Variants in TCF7 observed in about 807,000 individuals in gnomAD.
The protein encoded by TCF7 is transcription factor 7, also known as T-cell-factor-7.
In TCF7, 19 loss-of-function variants were observed where a neutral mutation model predicts 46.8. The observed-to-expected ratio is 0.41, with a 90% CI of 0.28 to 0.60. The LOEUF is 0.60. Ranked by LOEUF, TCF7 falls within the 20% of genes least tolerant of loss-of-function variation. TCF7 has a pLI of 0.35. For missense variants in TCF7, 547 were observed against 504.6 expected (o/e 1.08, Z -0.81); for synonymous variants, 245 against 213.4 (o/e 1.15, Z -1.29).
chr5:134,118,330 A>G (rs1756106879), intron 3 of TCF7, among the ~76,000 whole-genome samples: 1 of 152,126 alleles, frequency 6.6e-6, no homozygotes, highest in African/African-American at 2.4e-5. Flanking sequence ...AGGCCCTGCC[A>G]CAGGCCTTAG....
intron 2 of TCF7, 63 bp from the exon 3 acceptor site, chr5:134,115,846 G>A (rs1755738733): frequency 1.9e-6 from 3 of 1,608,420 alleles, no homozygotes; most frequent in Non-Finnish European, 2.5e-6. Context: ...CTCAAGAGCA[G>A]ACAGCCTTCA....
intron 3 of TCF7, among the ~76,000 whole-genome samples, chr5:134,127,760 C>G (rs2149306406): frequency 6.6e-6 from 1 of 152,356 alleles, no homozygotes; most frequent in African/African-American, 2.4e-5. Flanking sequence ...GCGGGCCAGC[C>G]AGGAGCTCAG....
chr5:134,131,346 C>T (rs759833681), intron 3 of TCF7, among the ~76,000 whole-genome samples: 3 of 152,224 alleles, frequency 2.0e-5, no homozygotes, highest in Non-Finnish European at 4.4e-5. Context: ...GGTTGTCACA[C>T]GTGGCATTTA....
At chr5:134,122,171 C>T (rs1270821996) in intron 3 of TCF7, among the ~76,000 whole-genome samples, 1 of 152,062 alleles carries the variant, frequency 6.6e-6, no homozygotes, top group Non-Finnish European at 1.5e-5. Context: ...TGAAGGGGGC[C>T]GATCCTGCAG....
the TCF7 span, among the ~76,000 whole-genome samples, chr5:134,109,536 A>C: frequency 6.6e-6 from 1 of 152,112 alleles, no homozygotes; most frequent in South Asian, 2.1e-4. Context: ...TTGGGAGGCC[A>C]AGGTGGTTGA....
At chr5:134,124,036 C>T (rs931961432) in intron 3 of TCF7, among the ~76,000 whole-genome samples, 1 of 152,086 alleles carries the variant, frequency 6.6e-6, no homozygotes, top group Non-Finnish European at 1.5e-5. Context: ...GGTCTGGCCC[C>T]CTGATTACTG....
intron 8 of TCF7, 113 bp from the exon 9 acceptor site, chr5:134,143,479 T>C: frequency 7.9e-7 from 1 of 1,271,112 alleles, no homozygotes; most frequent in Non-Finnish European, 1.1e-6. Context: ...CACCCCAAGG[T>C]AGGAGGGGCC....
intron 5 of TCF7, chr5:134,141,626 A>C (rs554645849): frequency 6.5e-6 from 1 of 152,722 alleles, no homozygotes; most frequent in African/African-American, 2.4e-5. Context: ...AACAGCCATA[A>C]CTGGGGCTGC....
At chr5:134,109,127 TGATC>T in the TCF7 span, among the ~76,000 whole-genome samples, 121,165 of 151,712 alleles carry the variant, frequency 0.8, 48,720 homozygotes, top group Non-Finnish European at 0.86. Context: ...CTGCTATGGA[TGATC>T]GATCCATCCT....
chr5:134,108,967 G>T, the TCF7 span, among the ~76,000 whole-genome samples: 1 of 152,188 alleles, frequency 6.6e-6, no homozygotes, highest in Non-Finnish European at 1.5e-5. Context: ...CTGCCATGTT[G>T]TGTGCCATGA....
intron 3 of TCF7, among the ~76,000 whole-genome samples, chr5:134,131,809 C>T (rs1250225476): frequency 6.6e-6 from 1 of 152,236 alleles, no homozygotes; most frequent in Non-Finnish European, 1.5e-5. Flanking sequence ...TGAGAGTGGG[C>T]CAGACTGGCC....
At chr5:134,117,888 G>A (rs776585367) in intron 3 of TCF7, among the ~76,000 whole-genome samples, 4 of 152,212 alleles carry the variant, frequency 2.6e-5, no homozygotes, top group East Asian at 1.9e-4. Context: ...GGAAAAGGAC[G>A]GGCTGTGACA....
At chr5:134,116,083 C>T (rs1221587344) in intron 3 of TCF7, 50 bp downstream of exon 3, 2 of 1,571,032 alleles carry the variant, frequency 1.3e-6, no homozygotes, top group Non-Finnish European at 1.7e-6. Flanking sequence ...GCCTCCTTGA[C>T]CAGGTAGGTG....
At position 134,131,347 on chromosome 5, in the gene TCF7, G is replaced by A. The variant is rs17167288; in HGVS notation, c.442-6712G>A. On this transcript the variant is annotated intron_variant, in intron 3 of 9. Transcript: ENST00000342854. Reference sequence around the variant, plus strand: ...GCCCACCTCAAGTGGGTTGTCACACGTGGCATTTATGTTACTCAGTGTCAC... The same window carrying A: ...GCCCACCTCAAGTGGGTTGTCACACATGGCATTTATGTTACTCAGTGTCAC... 9.2e-3 allele frequency among the ~76,000 whole-genome samples: 1,397 copies of A among 152,346 alleles called. 23 individuals carry two copies. The highest frequency in any genetic ancestry group is 0.028 in the African/African-American group (1,157 of 41,566).
At chr5:134,128,778 A>G (rs1757701938) in intron 3 of TCF7, among the ~76,000 whole-genome samples, 1 of 152,058 alleles carries the variant, frequency 6.6e-6, no homozygotes, top group South Asian at 2.1e-4. Context: ...AGAGCACCCC[A>G]GCCTCCGGTG....
At position 134,146,535 on chromosome 5, in the gene TCF7, C is replaced by A. The variant is rs548976506; in HGVS notation, c.*232C>A. 2.8e-6 allele frequency: 2 copies of A among 720,798 alleles called. No homozygotes were observed. Among genetic ancestry groups the A allele is most frequent in the Non-Finnish European group, 5.2e-6 (2 of 388,008 alleles). 44.7% of individuals were successfully genotyped at this position (720,798 alleles called of 1,614,324 possible). A position where few individuals can be genotyped will look rare whatever the true frequency, so the allele number is the denominator to read the frequency against. ...CAGGTGGCCTAGCAGGCACAGGACA[C>A]CTGGCCGCCTCCAGGAGCCTACCCC... On this transcript the variant is annotated 3_prime_UTR_variant, in exon 10 of 10. Transcript: ENST00000342854.
intron 5 of TCF7, chr5:134,139,429 G>C (rs1759403429): frequency 5.1e-6 from 1 of 194,626 alleles, no homozygotes; most frequent in African/African-American, 2.3e-5. Context: ...GGCTACCAGA[G>C]AGGCTGCTGC....
At chr5:134,137,161 C>T (rs1366702749) in intron 3 of TCF7, among the ~76,000 whole-genome samples, 2 of 152,204 alleles carry the variant, frequency 1.3e-5, no homozygotes, top group East Asian at 1.9e-4. Flanking sequence ...AGTTGGCTCA[C>T]GCCTGTAATC....
intron 3 of TCF7, among the ~76,000 whole-genome samples, chr5:134,131,180 G>A (rs1758069803): frequency 6.6e-6 from 1 of 152,174 alleles, no homozygotes; most frequent in Admixed American, 6.5e-5. Flanking sequence ...GGGAGGATGA[G>A]GCTGGCACCA....
Sources: gnomAD v4.1 joint callset for allele counts (sites outside exome capture counted in the v4.1 genomes callset) on GRCh38, gnomAD v4.1.1 for gene constraint, MANE v1.5 for transcripts, NCBI Gene and HGNC (gene_info 2026-07-23, HGNC 2026-07-21) for gene names.